SNTG1: variants seen among roughly 807,000 people sequenced by gnomAD.
SNTG1 encodes syntrophin gamma 1, also known as gamma-1-syntrophin.
SNTG1 carries 39 observed loss-of-function variants against 74.7 expected under a neutral mutation model. That is an observed-to-expected ratio of 0.52 (90% confidence interval 0.40 to 0.68). The LOEUF (loss-of-function observed/expected upper bound fraction) is 0.68, where lower values mean the gene tolerates loss of function less well. SNTG1 is among the 30% of genes least tolerant of loss of function. The probability of loss-of-function intolerance (pLI) is 0.00; values close to 1 mark genes in which losing one functional copy is unlikely to be tolerated. For synonymous variants in SNTG1, 254 were observed against 217.1 expected (o/e 1.17, Z -1.49); for missense variants, 685 against 609.5 (o/e 1.12, Z -1.30).
At chr8:50,790,149 C>T (rs150094459) in intron 18 of SNTG1, among the ~76,000 whole-genome samples, 1 of 151,978 alleles carries the variant, frequency 6.6e-6, no homozygotes, top group African/African-American at 2.4e-5. Context: ...TTGATGGTAA[C>T]TGTCATATTC....
At chr8:50,761,132 C>T (rs1422797144) in intron 18 of SNTG1, among the ~76,000 whole-genome samples, 4 of 151,822 alleles carry the variant, frequency 2.6e-5, no homozygotes, top group Non-Finnish European at 2.9e-5. Flanking sequence ...AGTAAGATAC[C>T]GGCAAACCGA....
intron 18 of SNTG1, among the ~76,000 whole-genome samples, chr8:50,769,588 T>A (rs746775233): frequency 6.6e-6 from 1 of 152,084 alleles, no homozygotes; most frequent in Non-Finnish European, 1.5e-5. Flanking sequence ...CCTGAAGCTA[T>A]ACATATGTCT....
chr8:49,964,499 A>G (rs1489712717), intron 1 of SNTG1, among the ~76,000 whole-genome samples: 2 of 152,244 alleles, frequency 1.3e-5, no homozygotes, highest in Non-Finnish European at 2.9e-5. Flanking sequence ...CTAGGCAGAT[A>G]GGTAGAGATT....
chr8:50,652,050 T>G (rs1563695879), intron 13 of SNTG1, among the ~76,000 whole-genome samples: 1 of 152,154 alleles, frequency 6.6e-6, no homozygotes, highest in East Asian at 1.9e-4. Context: ...ACAACCGGCC[T>G]TAACTTCATT....
At chr8:49,985,676 G>A (rs1353179674) in intron 1 of SNTG1, among the ~76,000 whole-genome samples, 1 of 152,134 alleles carries the variant, frequency 6.6e-6, no homozygotes, top group Non-Finnish European at 1.5e-5. Context: ...GGCAATGCAA[G>A]TTTTGATAAT....
intron 15 of SNTG1, among the ~76,000 whole-genome samples, chr8:50,680,742 A>C (rs918722073): frequency 6.6e-6 from 1 of 152,044 alleles, no homozygotes; most frequent in Non-Finnish European, 1.5e-5. Context: ...GGCTCTGGTG[A>C]CGTGGAAGCA....
rs577454508 is a variant in SNTG1 at position 50,067,459 on chromosome 8, G to A, written c.-102-105102G>A. On this transcript the variant is annotated intron_variant, in intron 1 of 18. Coordinates refer to ENST00000642720, the MANE Select transcript of SNTG1 (RefSeq NM_018967.5). ...TTCAGGTCTCTCCATTTCTGATGTG[G>A]GATTTTATTTTGAATGGGCTTGTTT... is the stretch of plus-strand genomic sequence containing the variant. Among the ~76,000 whole-genome samples the A allele has an allele frequency of 1.5e-4, 23 of 152,170 alleles. No individual in the cohort carries two copies. The South Asian group carries it at 3.7e-3, about 25-fold the overall frequency.
chr8:50,146,265 C>A (rs774992396), intron 1 of SNTG1, among the ~76,000 whole-genome samples: 3 of 152,044 alleles, frequency 2.0e-5, no homozygotes, highest in Non-Finnish European at 2.9e-5. Context: ...TGCCTGTAAT[C>A]CCAGCACTTT....
chr8:50,376,489 A>G (rs2092384312), intron 2 of SNTG1, among the ~76,000 whole-genome samples: 1 of 151,788 alleles, frequency 6.6e-6, no homozygotes, highest in Admixed American at 6.6e-5. Flanking sequence ...GTATCATTGG[A>G]TAGGAAAAGG....
intron 1 of SNTG1, among the ~76,000 whole-genome samples, chr8:49,947,209 G>A (rs1843607): frequency 0.64 from 96,727 of 151,936 alleles, 34,624 homozygotes; most frequent in East Asian, 0.86. Flanking sequence ...GCTAAGGCAG[G>A]AGAATTCTCA....
chr8:50,122,690 G>A (rs1296786605), intron 1 of SNTG1, among the ~76,000 whole-genome samples: 1 of 141,804 alleles, frequency 7.1e-6, no homozygotes. Flanking sequence ...AGAGGCAGGA[G>A]GATAGTAATG....
intron 9 of SNTG1, among the ~76,000 whole-genome samples, chr8:50,517,788 G>A (rs571746086): frequency 8.2e-4 from 125 of 152,206 alleles, no homozygotes; most frequent in African/African-American, 2.9e-3. Flanking sequence ...CAATATAGGA[G>A]CATGCTGATT....
chr8:50,626,187 A>G (rs906981695), intron 13 of SNTG1, among the ~76,000 whole-genome samples: 2 of 152,272 alleles, frequency 1.3e-5, no homozygotes, highest in African/African-American at 4.8e-5. Flanking sequence ...CCTTTATATA[A>G]CACTCGTTTT....
At chr8:50,174,835 A>G (rs1484077356) in intron 2 of SNTG1, among the ~76,000 whole-genome samples, 1 of 150,114 alleles carries the variant, frequency 6.7e-6, no homozygotes, top group African/African-American at 2.4e-5. Flanking sequence ...AGCATTAGGT[A>G]TATCTCGTAA....
chr8:50,317,468 G>A (rs138795544), intron 2 of SNTG1, among the ~76,000 whole-genome samples: 1 of 152,170 alleles, frequency 6.6e-6, no homozygotes, highest in Non-Finnish European at 1.5e-5. Flanking sequence ...GACTCTAAGT[G>A]GAAAAGTAAT....
intron 1 of SNTG1, among the ~76,000 whole-genome samples, chr8:49,934,664 T>C (rs1314260685): frequency 2.0e-5 from 3 of 152,216 alleles, no homozygotes; most frequent in African/African-American, 7.2e-5. Context: ...ATTGCCATTG[T>C]CATGATTATG....
chr8:49,924,287 G>A (rs1242060912), intron 1 of SNTG1, among the ~76,000 whole-genome samples: 2 of 152,042 alleles, frequency 1.3e-5, no homozygotes, highest in South Asian at 4.1e-4. Context: ...CTTTATAGAG[G>A]AAAAAAAGTT....
At chr8:50,746,840 A>G (rs1029533907) in intron 17 of SNTG1, among the ~76,000 whole-genome samples, 1 of 147,718 alleles carries the variant, frequency 6.8e-6, no homozygotes, top group African/African-American at 2.5e-5. Context: ...TATATATAAT[A>G]TATAATATAT....
chr8:50,651,057 T>C (rs2095142369), intron 13 of SNTG1, among the ~76,000 whole-genome samples: 1 of 152,198 alleles, frequency 6.6e-6, no homozygotes, highest in African/African-American at 2.4e-5. Flanking sequence ...TTTTTAAACA[T>C]AATTATAATA....
Sources: allele counts gnomAD v4.1 joint callset (sites outside exome capture counted in the v4.1 genomes callset), GRCh38; gene constraint gnomAD v4.1.1; transcripts MANE v1.5; gene names NCBI Gene and HGNC (gene_info 2026-07-23, HGNC 2026-07-21).